SRFBP1: variants seen among roughly 807,000 people sequenced by gnomAD.
SRFBP1 encodes serum response factor binding protein 1, also known as serum response factor-binding protein 1.
In SRFBP1, 47 loss-of-function variants were observed where a neutral mutation model predicts 45.5. The ratio of observed to expected loss-of-function variants is 1.03; its 90% CI spans 0.82 to 1.32. The LOEUF (loss-of-function observed/expected upper bound fraction) is 1.32, where lower values mean the gene tolerates loss of function less well. Among genes scored for constraint, SRFBP1 ranks in the 40% most tolerant of loss-of-function variants. SRFBP1 has a pLI of 0.00. For synonymous variants in SRFBP1, 203 were observed against 166.3 expected, an observed-to-expected ratio of 1.22 and a Z score of -1.70; for missense variants, 621 against 484.6, an observed-to-expected ratio of 1.28 and a Z score of -2.64.
Position 121,975,317 on chromosome 5 carries a change from G to C in SRFBP1, c.128G>C (p.Gly43Ala). The change falls in exon 3 of 8, where the codon GGT becomes GCT. Residue 43 changes from glycine (G) to alanine (A), a missense_variant and splice_region_variant. Coordinates refer to ENST00000339397, the MANE Select transcript of SRFBP1 (RefSeq NM_152546.3). ...ATATCGTAATGTATTTTTTGCAGGG[G>C]TACTGAAGATGCACTGTTAAAAAAC... ...RSVGRLKSKK[G>A]TEDALLKNQR... is the part of the protein sequence containing the mutation. The C allele has an allele frequency of 6.2e-7, 1 of 1,612,974 alleles. No homozygotes were observed. The highest frequency in any genetic ancestry group is 1.3e-5 in the African/African-American group (1 of 74,984).
At chr5:121,965,268 C>T (rs1397154382) in intron 1 of SRFBP1, among the ~76,000 whole-genome samples, 1 of 152,134 alleles carries the variant, frequency 6.6e-6, no homozygotes, top group Non-Finnish European at 1.5e-5. Context: ...TTTGTCCATG[C>T]CTCAGTCCTG....
intron 4 of SRFBP1, among the ~76,000 whole-genome samples, chr5:122,004,498 T>A (rs1208795009): frequency 1.3e-5 from 2 of 152,174 alleles, no homozygotes; most frequent in Non-Finnish European, 2.9e-5. Context: ...TTAGTGTTTC[T>A]ATGGTCATCA....
intron 2 of SRFBP1, among the ~76,000 whole-genome samples, chr5:122,049,326 G>A (rs191845173): frequency 1.3e-5 from 2 of 151,966 alleles, no homozygotes; most frequent in Non-Finnish European, 2.9e-5. Context: ...GAAGAGCTAA[G>A]TATCCTAAAT....
intron 1 of SRFBP1, among the ~76,000 whole-genome samples, chr5:121,971,373 G>A (rs1460157225): frequency 6.6e-6 from 1 of 151,908 alleles, no homozygotes; most frequent in Admixed American, 6.6e-5. Flanking sequence ...AGGATTAAGA[G>A]AGCTACCTCT....
At chr5:122,029,813 C>A (rs1003713652), downstream of SRFBP1, among the ~76,000 whole-genome samples, 1 of 152,158 alleles carries the variant, frequency 6.6e-6, no homozygotes, top group Non-Finnish European at 1.5e-5. Flanking sequence ...TATAGAAGGG[C>A]AAATCCAGTC....
At chr5:121,999,623 T>C (rs147627317) in intron 4 of SRFBP1, among the ~76,000 whole-genome samples, 1,526 of 152,230 alleles carry the variant, frequency 0.01, 10 homozygotes, top group Non-Finnish European at 0.014. Flanking sequence ...GAAACATGTA[T>C]GTTAGATATG....
chr5:121,974,204 G>T lies in SRFBP1; in HGVS notation c.45G>T (p.Lys15Asn). The change falls in exon 2 of 8, where the codon AAG becomes AAT. Residue 15 changes from lysine to asparagine, a missense_variant. Lys to Asn is a moderately conservative substitution (Grantham distance 94, BLOSUM62 0). Coordinates refer to ENST00000339397, the MANE Select transcript of SRFBP1 (RefSeq NM_152546.3). ...GTLNLNNEVVKMRKEVKRIRV... is the reference protein window; with the variant it reads ...GTLNLNNEVVNMRKEVKRIRV... ...TGCTTTATTCTTCAAAGGTTGTGAA[G>T]ATGAGAAAAGAAGTGAAGAGAATTC... 6.2e-7 allele frequency: 1 copy of T among 1,610,290 alleles called. No individual in the cohort carries two copies. Among genetic ancestry groups the T allele is most frequent in the Non-Finnish European group, 8.5e-7 (1 of 1,177,272 alleles).
intron 4 of SRFBP1, among the ~76,000 whole-genome samples, chr5:122,006,899 T>C (rs796595909): frequency 1.3e-5 from 2 of 152,204 alleles, no homozygotes; most frequent in Admixed American, 6.5e-5. Flanking sequence ...GTTCTATATC[T>C]TCATTTATTA....
intron 1 of SRFBP1, among the ~76,000 whole-genome samples, chr5:121,966,789 T>A (rs1752079276): frequency 6.6e-6 from 1 of 151,254 alleles, no homozygotes; most frequent in African/African-American, 2.4e-5. Context: ...ATTTTTTATT[T>A]TTTTTTTTGA....
chr5:122,078,244 A>C (rs1754700116), downstream of SRFBP1: 1 of 402,998 alleles, frequency 2.5e-6, no homozygotes, highest in East Asian at 3.9e-5. Flanking sequence ...GCAGTCCCGG[A>C]GAGCGGGCAG....
chr5:122,039,209 T>C (rs1484023463), intron 2 of SRFBP1, among the ~76,000 whole-genome samples: 2 of 152,168 alleles, frequency 1.3e-5, no homozygotes, highest in Admixed American at 6.5e-5. Flanking sequence ...CATCCTAATA[T>C]GCTGGGCCTG....
At chr5:122,036,598 G>A (rs953281472) in intron 2 of SRFBP1, among the ~76,000 whole-genome samples, 9 of 152,150 alleles carry the variant, frequency 5.9e-5, no homozygotes, top group African/African-American at 1.9e-4. Context: ...GAGTAGCTGA[G>A]TTCAGTCCTG....
chr5:122,078,155 C>G (rs1238167710), downstream of SRFBP1: 2 of 545,062 alleles, frequency 3.7e-6, no homozygotes, highest in Admixed American at 4.3e-5. Flanking sequence ...AGACCCTTCC[C>G]CAGTCAAGGC....
intron 2 of SRFBP1, among the ~76,000 whole-genome samples, chr5:122,043,881 G>A (rs1208282778): frequency 6.6e-6 from 1 of 152,044 alleles, no homozygotes; most frequent in African/African-American, 2.4e-5. Flanking sequence ...AGTTTTAGGG[G>A]TGGATGTGCA....
intron 2 of SRFBP1, among the ~76,000 whole-genome samples, chr5:122,061,710 A>G (rs1754171986): frequency 6.6e-6 from 1 of 152,054 alleles, no homozygotes; most frequent in Non-Finnish European, 1.5e-5. Flanking sequence ...ACCTAAAAGC[A>G]TTCAAGTTAT....
chr5:121,981,059 C>CG (rs1752398176), intron 3 of SRFBP1, among the ~76,000 whole-genome samples: 1 of 152,078 alleles, frequency 6.6e-6, no homozygotes, highest in South Asian at 2.1e-4. Context: ...GGTGGACCCT[C>CG]CATCAGAGTC....
chr5:121,982,948 A>C (rs1002642342), intron 3 of SRFBP1, among the ~76,000 whole-genome samples: 9 of 151,884 alleles, frequency 5.9e-5, no homozygotes, highest in Non-Finnish European at 1.0e-4. Context: ...TATCCAAAGC[A>C]CTTTTAAATT....
chr5:121,992,997 A>G (rs1752649293), intron 3 of SRFBP1, among the ~76,000 whole-genome samples: 2 of 152,102 alleles, frequency 1.3e-5, no homozygotes, highest in African/African-American at 4.8e-5. Flanking sequence ...GACATCTGTG[A>G]TACTGTATTT....
chr5:121,987,351 A>G (rs1343452374), intron 3 of SRFBP1, among the ~76,000 whole-genome samples: 1 of 152,192 alleles, frequency 6.6e-6, no homozygotes. Flanking sequence ...TGTAGGAAGA[A>G]GATCTGATAT....
Sources: gnomAD v4.1 joint callset for allele counts (sites outside exome capture counted in the v4.1 genomes callset) on GRCh38, gnomAD v4.1.1 for gene constraint, MANE v1.5 for transcripts, NCBI Gene and HGNC (gene_info 2026-07-23, HGNC 2026-07-21) for gene names.